The following HSF2 variants were observed in gnomAD, a reference collection of about 807,000 sequenced individuals.
HSF2 encodes heat shock transcription factor 2, also known as heat shock factor protein 2.
In HSF2, 21 loss-of-function variants were observed where a neutral mutation model predicts 65.0. The ratio of observed to expected loss-of-function variants is 0.32; its 90% CI spans 0.23 to 0.47. The LOEUF is 0.47. Ranked by LOEUF, HSF2 falls within the 20% of genes least tolerant of loss-of-function variation. The pLI, the probability that HSF2 is intolerant of heterozygous loss-of-function variation, is 1.00. For missense variants in HSF2, 499 were observed against 628.1 expected (o/e 0.79, Z 2.20); for synonymous variants, 225 against 219.1 (o/e 1.03, Z -0.24).
intron 1 of HSF2, among the ~76,000 whole-genome samples, chr6:122,405,892 T>C (rs768292989): frequency 6.6e-6 from 1 of 152,210 alleles, no homozygotes; most frequent in Non-Finnish European, 1.5e-5. Flanking sequence ...TATGGGGAGA[T>C]ATCTTGTTAG....
chr6:122,422,935 G>A lies in HSF2; in HGVS notation c.1048G>A (p.Asp350Asn), dbSNP rs1774269161. 7 of 1,613,472 alleles carry A rather than the reference G, an allele frequency of 4.3e-6. No individual in the cohort carries two copies. Among genetic ancestry groups the A allele is most frequent in the Non-Finnish European group, 4.2e-6 (5 of 1,179,612 alleles). ...PVTMMDSILN[D>N]NINLLGKVEL... ...GACCATGATGGATTCCATTTTGAAT[G>A]ATAACATCAATCTTTTGGGAAAGTG... Residue 350 changes from aspartate to asparagine, a missense_variant, in exon 9 of 13, where the codon GAT becomes AAT. Asp to Asn is a conservative substitution (Grantham distance 23, BLOSUM62 1). This residue lies in a region of HSF2 where 349 missense variants were observed against 393.5 expected (regional missense o/e 0.89). Coordinates refer to ENST00000368455, the MANE Select transcript of HSF2 (RefSeq NM_004506.4).
intron 3 of HSF2, 88 bp downstream of exon 3, chr6:122,412,852 A>C: frequency 8.3e-7 from 1 of 1,201,170 alleles, no homozygotes; most frequent in South Asian, 1.6e-5. Flanking sequence ...AAAGTACAGA[A>C]ATGCACAACT....
At chr6:122,424,187 C>T (rs1360501062) in intron 10 of HSF2, among the ~76,000 whole-genome samples, 2 of 150,604 alleles carry the variant, frequency 1.3e-5, no homozygotes, top group Non-Finnish European at 2.9e-5. Context: ...ACCACCATCC[C>T]TATGAAGTTG....
At position 122,431,441 on chromosome 6, in the gene HSF2, AG is replaced by A; in HGVS notation, c.1244del (p.Gly415AspfsTer2). 1 of 1,527,334 alleles carries A rather than the reference AG, an allele frequency of 6.5e-7. No homozygotes were observed. The highest frequency in any genetic ancestry group is 8.9e-7 in the Non-Finnish European group (1 of 1,128,710). The allele number at this position is 1,527,334 out of a possible 1,614,324, so 94.6% of individuals were successfully genotyped here. ...TTTTTTTCTTTTAGTCTGAGAATAA[AG>A]GATTAGAAACTACCAAGAACAATGT... ...YINNTKSENK[G>X]LETTKNNVVQ... On this transcript the variant is annotated frameshift_variant, in exon 12 of 13. Coordinates refer to ENST00000368455, the MANE Select transcript of HSF2 (RefSeq NM_004506.4). LOFTEE classifies it high-confidence loss of function.
rs371617078 is a variant in HSF2, at chr6:122,426,222, G to A, written c.1177-1681G>A. 6.6e-5 allele frequency among the ~76,000 whole-genome samples: 10 copies of A among 152,214 alleles called. No individual in the cohort carries two copies. The East Asian group carries it at 1.7e-3, about 26-fold the overall frequency. ...TTCTCTGAGATGACAAAAATGGTAA[G>A]AATGTGAATAAGTGTGCTGAAAAGT... On this transcript the variant is annotated intron_variant, in intron 10 of 12. Coordinates refer to ENST00000368455, the MANE Select transcript of HSF2 (RefSeq NM_004506.4).
At chr6:122,399,873 G>C (rs1405752930) in intron 1 of HSF2, 43 bp downstream of exon 1, 1 of 1,400,086 alleles carries the variant, frequency 7.1e-7, no homozygotes, top group Non-Finnish European at 1.0e-6. Context: ...CTGAATAACC[G>C]CCTCCTCACT....
At chr6:122,413,451 C>A in intron 3 of HSF2, 74 bp from the exon 4 acceptor site, 1 of 1,146,630 alleles carries the variant, frequency 8.7e-7, no homozygotes, top group Non-Finnish European at 1.2e-6. Flanking sequence ...AAAACCTCTT[C>A]TAATAGGGAA....
At chr6:122,422,537 A>G (rs1334255211) in intron 8 of HSF2, among the ~76,000 whole-genome samples, 181 bp from the exon 9 acceptor site, 1 of 152,178 alleles carries the variant, frequency 6.6e-6, no homozygotes, top group Non-Finnish European at 1.5e-5. Flanking sequence ...AGCACTTCTC[A>G]TTCAATCTTT....
At chr6:122,399,603 C>A (rs1315516542), upstream of HSF2, 1 of 644,590 alleles carries the variant, frequency 1.6e-6, no homozygotes, top group East Asian at 3.3e-5. Context: ...GCGCGCCTGG[C>A]GGGGTTGGGG....
intron 4 of HSF2, among the ~76,000 whole-genome samples, chr6:122,414,094 A>G (rs999656318): frequency 7.9e-5 from 12 of 152,110 alleles, no homozygotes; most frequent in African/African-American, 2.9e-4. Context: ...GTAGGACACA[A>G]AAAAATCGGA....
At chr6:122,421,304 C>A (rs1358646035) in intron 7 of HSF2, among the ~76,000 whole-genome samples, 1 of 151,946 alleles carries the variant, frequency 6.6e-6, no homozygotes, top group Non-Finnish European at 1.5e-5. Context: ...CAAAATAGTT[C>A]TTTAGATTTA....
At chr6:122,423,986 T>C (rs902538253) in intron 10 of HSF2, among the ~76,000 whole-genome samples, 1 of 152,108 alleles carries the variant, frequency 6.6e-6, no homozygotes, top group South Asian at 2.1e-4. Context: ...TCTGTTTTGC[T>C]CTAGAATGAA....
intron 10 of HSF2, among the ~76,000 whole-genome samples, chr6:122,426,251 C>T (rs1774336963): frequency 6.6e-6 from 1 of 152,086 alleles, no homozygotes; most frequent in Admixed American, 6.6e-5. Flanking sequence ...GAAAAGTTTA[C>T]AGCTTCTCTC....
intron 11 of HSF2, among the ~76,000 whole-genome samples, chr6:122,430,854 G>A (rs942519690): frequency 1.3e-5 from 2 of 152,050 alleles, no homozygotes; most frequent in African/African-American, 4.8e-5. Flanking sequence ...GTTCAAAGAA[G>A]CAATTTAAAT....
intron 11 of HSF2, among the ~76,000 whole-genome samples, chr6:122,431,141 C>T (rs1300255781): frequency 1.3e-5 from 2 of 152,020 alleles, no homozygotes; most frequent in Non-Finnish European, 2.9e-5. Context: ...ATCTTTTACT[C>T]GTGACAAATT....
intron 1 of HSF2, among the ~76,000 whole-genome samples, chr6:122,403,097 G>T (rs1773778212): frequency 6.6e-6 from 1 of 151,894 alleles, no homozygotes; most frequent in South Asian, 2.1e-4. Context: ...TTGCGTTTTG[G>T]AAAACGCAGT....
chr6:122,401,360 T>TG (rs1773729918), intron 1 of HSF2, among the ~76,000 whole-genome samples: 1 of 152,204 alleles, frequency 6.6e-6, no homozygotes, highest in Non-Finnish European at 1.5e-5. Flanking sequence ...TGTTAGAGAT[T>TG]GGACTGAGAT....
chr6:122,407,277 C>T (rs1261849592), intron 1 of HSF2, among the ~76,000 whole-genome samples: 1 of 152,124 alleles, frequency 6.6e-6, no homozygotes, highest in Non-Finnish European at 1.5e-5. Context: ...TCTCTAAGGT[C>T]TGTACACTCA....
chr6:122,424,848 TC>T (rs768044947), intron 10 of HSF2, among the ~76,000 whole-genome samples: 3 of 152,068 alleles, frequency 2.0e-5, no homozygotes, highest in Middle Eastern at 3.2e-3. Flanking sequence ...CTGGCCATGT[TC>T]AAATCCTTAC....
Sources: allele counts gnomAD v4.1 joint callset (sites outside exome capture counted in the v4.1 genomes callset), GRCh38; gene constraint gnomAD v4.1.1; regional missense constraint gnomAD v4.1.1; transcripts MANE v1.5; gene names NCBI Gene and HGNC (gene_info 2026-07-23, HGNC 2026-07-21).